The following KIAA0825 variants were observed in gnomAD, a reference collection of about 807,000 sequenced individuals.
KIAA0825 encodes the protein KIAA0825.
Under a neutral mutation model 147.6 loss-of-function variants are expected in KIAA0825, and 119 were observed. The observed-to-expected ratio is 0.81, with a 90% confidence interval of 0.69 to 0.94. The LOEUF is 0.94. Ranked by LOEUF, KIAA0825 falls within the 40% of genes least tolerant of loss-of-function variation. The probability of loss-of-function intolerance (pLI) is 0.00; values close to 1 mark genes in which losing one functional copy is unlikely to be tolerated. For missense variants in KIAA0825, 1,381 were observed against 1,472.7 expected (o/e 0.94, Z 1.02); for synonymous variants, 470 against 518.1 (o/e 0.91, Z 1.26).
At chr5:94,588,276 T>G (rs1346888972) in intron 1 of KIAA0825, among the ~76,000 whole-genome samples, 1 of 151,828 alleles carries the variant, frequency 6.6e-6, no homozygotes, top group Admixed American at 6.6e-5. Flanking sequence ...TGGGAGAAAA[T>G]TTTTGCAATC....
intron 2 of KIAA0825, among the ~76,000 whole-genome samples, chr5:94,538,136 TG>T (rs1772473646): frequency 6.6e-6 from 1 of 152,164 alleles, no homozygotes; most frequent in African/African-American, 2.4e-5. Flanking sequence ...TTTATTCTAG[TG>T]GGGAAGACAG....
chr5:94,177,492 C>T (rs1456259528), intron 20 of KIAA0825, among the ~76,000 whole-genome samples: 1 of 152,020 alleles, frequency 6.6e-6, no homozygotes, highest in Non-Finnish European at 1.5e-5. Context: ...AGTAAAATCA[C>T]ACTTTTCATA....
chr5:94,266,736 G>GT (rs924514766), intron 20 of KIAA0825, among the ~76,000 whole-genome samples: 103 of 151,260 alleles, frequency 6.8e-4, no homozygotes, highest in Admixed American at 4.3e-3. Context: ...GGGAAATACA[G>GT]TTTTTTTTTA....
chr5:94,530,641 G>A (rs1770600993), intron 3 of KIAA0825, among the ~76,000 whole-genome samples: 1 of 152,292 alleles, frequency 6.6e-6, no homozygotes, highest in African/African-American at 2.4e-5. Flanking sequence ...GCCATGACAA[G>A]GGTCTTTTCC....
At position 94,524,063 on chromosome 5, in the gene KIAA0825, A is replaced by G. The variant is rs763764474; in HGVS notation, c.167T>C (p.Ile56Thr). Residue 56 changes from isoleucine (I) to threonine (T), a missense_variant, in exon 4 of 21, where the codon ATT becomes ACT. Transcript: ENST00000682413. ...CTGCACACCTGGACATTGTTTGTTA[A>G]TTTCGGACTGTATCTCTTTAATGCA... Reference protein sequence around the residue: ...KHCIKEIQSEINKQCPGVQLQ... With the variant: ...KHCIKEIQSETNKQCPGVQLQ... 6.2e-7 allele frequency: 1 copy of G among 1,609,302 alleles called. No individual in the cohort carries two copies. The highest frequency in any genetic ancestry group is 8.5e-7 in the Non-Finnish European group (1 of 1,177,114).
chr5:94,539,446 G>T (rs891095156), intron 2 of KIAA0825, among the ~76,000 whole-genome samples: 9 of 152,108 alleles, frequency 5.9e-5, no homozygotes, highest in Non-Finnish European at 1.3e-4. Context: ...CTTTCCTCTA[G>T]CATCTTTCTG....
At chr5:94,387,236 A>T (rs1749278614) in intron 18 of KIAA0825, among the ~76,000 whole-genome samples, 2 of 152,222 alleles carry the variant, frequency 1.3e-5, no homozygotes, top group South Asian at 4.1e-4. Context: ...GGTTAGGGTT[A>T]GGATGAAGTT....
chr5:94,529,362 C>T (rs1305073520), intron 3 of KIAA0825, among the ~76,000 whole-genome samples: 6 of 134,206 alleles, frequency 4.5e-5, no homozygotes, highest in African/African-American at 1.5e-4. Context: ...ATGTATATAT[C>T]ATATATGTAT....
chr5:94,439,821 TA>T (rs1466233289), intron 14 of KIAA0825, among the ~76,000 whole-genome samples, 160 bp downstream of exon 14: 5 of 152,218 alleles, frequency 3.3e-5, no homozygotes, highest in Admixed American at 2.6e-4. Context: ...AATAGGTTGG[TA>T]AAGCGATTTA....
intron 5 of KIAA0825, among the ~76,000 whole-genome samples, chr5:94,513,745 C>T (rs1034491694): frequency 2.0e-5 from 3 of 151,464 alleles, no homozygotes; most frequent in African/African-American, 7.3e-5. Context: ...TAAAATACAC[C>T]CTCCCCTTAT....
chr5:94,579,065 G>A (rs751655438), intron 2 of KIAA0825, among the ~76,000 whole-genome samples: 1 of 152,122 alleles, frequency 6.6e-6, no homozygotes, highest in Admixed American at 6.6e-5. Context: ...GGGACTACAG[G>A]AGCGTGCCAC....
At chr5:94,194,129 G>A (rs1260134224) in intron 20 of KIAA0825, among the ~76,000 whole-genome samples, 3 of 152,112 alleles carry the variant, frequency 2.0e-5, no homozygotes, top group East Asian at 1.9e-4. Context: ...GGAGATACTG[G>A]TTTTATTTTT....
intron 5 of KIAA0825, among the ~76,000 whole-genome samples, chr5:94,485,459 G>C (rs1270265796): frequency 6.6e-6 from 1 of 151,754 alleles, no homozygotes. Flanking sequence ...GGTGAAATCT[G>C]ACTGAAGTCT....
chr5:94,312,418 C>T (rs944244578), intron 20 of KIAA0825, among the ~76,000 whole-genome samples: 5 of 151,542 alleles, frequency 3.3e-5, no homozygotes, highest in African/African-American at 4.8e-5. Context: ...AGAGTCTGTG[C>T]GCTACCTGCT....
In KIAA0825 at chr5:94,524,109, C is replaced by G; in HGVS notation, c.132-11G>C. The G allele has an allele frequency of 1.3e-6, 2 of 1,582,092 alleles. No homozygotes were observed. Among genetic ancestry groups the G allele is most frequent in the Admixed American group, 1.8e-5 (1 of 55,486 alleles). The stretch of plus-strand genomic sequence containing the variant: ...ATGCAATGTTTTATGCTATAAAAAA[C>G]AGAAGAAAAAGTTATTTTGGCAGGA... On this transcript the variant is annotated splice_polypyrimidine_tract_variant and intron_variant, in intron 3 of 20. Coordinates refer to ENST00000682413, the MANE Select transcript of KIAA0825 (RefSeq NM_001145678.3).
intron 3 of KIAA0825, among the ~76,000 whole-genome samples, chr5:94,531,540 T>C (rs1014921391): frequency 6.6e-6 from 1 of 152,194 alleles, no homozygotes; most frequent in African/African-American, 2.4e-5. Flanking sequence ...CCCAGGATGC[T>C]GTCTGCCCAG....
intron 20 of KIAA0825, among the ~76,000 whole-genome samples, chr5:94,288,985 C>A (rs972080611): frequency 6.6e-6 from 1 of 152,098 alleles, no homozygotes; most frequent in African/African-American, 2.4e-5. Flanking sequence ...TGCTGATCAA[C>A]CCCCCTTTCT....
intron 20 of KIAA0825, among the ~76,000 whole-genome samples, chr5:94,365,113 T>A (rs1745651378): frequency 6.6e-6 from 1 of 152,202 alleles, no homozygotes; most frequent in South Asian, 2.1e-4. Context: ...TGGCCCTATG[T>A]AAATCGGGCC....
At chr5:94,409,320 A>C (rs1752470338) in intron 15 of KIAA0825, among the ~76,000 whole-genome samples, 1 of 152,194 alleles carries the variant, frequency 6.6e-6, no homozygotes, top group South Asian at 2.1e-4. Flanking sequence ...ATATATGCAA[A>C]ATAACTATTT....
Sources: allele counts gnomAD v4.1 joint callset (sites outside exome capture counted in the v4.1 genomes callset), GRCh38; gene constraint gnomAD v4.1.1; transcripts MANE v1.5; gene names NCBI Gene and HGNC (gene_info 2026-07-23, HGNC 2026-07-21).